Variants in CSMD1 observed in about 807,000 individuals in gnomAD.
CSMD1 encodes CUB and Sushi multiple domains 1.
Under a neutral mutation model 417.5 loss-of-function variants are expected in CSMD1, and 213 were observed. The ratio of observed to expected loss-of-function variants is 0.51; its 90% CI spans 0.46 to 0.57. The LOEUF is 0.57. Among genes scored for constraint, CSMD1 ranks in the 20% least tolerant of loss-of-function variants. CSMD1 has a pLI of 0.00. For synonymous variants in CSMD1, 2,862 were observed against 1,736.8 expected, an observed-to-expected ratio of 1.65 and a Z score of -16.11; for missense variants, 6,923 against 4,529.7, an observed-to-expected ratio of 1.53 and a Z score of -15.17.
At position 3,000,125 on chromosome 8, in the gene CSMD1, T is replaced by G. The variant is rs746681454; in HGVS notation, c.8036A>C (p.His2679Pro). Reference sequence around the variant, plus strand: ...CACAATCGGGTCTGGGGAACCGCAGTGGCCAGCTAAAAATGTTAAACCAAT... The same window carrying G: ...CACAATCGGGTCTGGGGAACCGCAGGGGCCAGCTAAAAATGTTAAACCAAT... ...SGSETRCLAG[H>P]CGSPDPIVNG... The change falls in exon 53 of 70, where the codon CAC becomes CCC. Residue 2679 changes from histidine (H) to proline (P), a missense_variant. Coordinates refer to ENST00000635120, the MANE Select transcript of CSMD1 (RefSeq NM_033225.6). 8 of 1,541,648 alleles carry G rather than the reference T, an allele frequency of 5.2e-6. No homozygotes were observed. Among genetic ancestry groups the G allele is most frequent in the Non-Finnish European group, 5.3e-6 (6 of 1,141,282 alleles).
intron 3 of CSMD1, among the ~76,000 whole-genome samples, chr8:4,068,988 G>A (rs534725181): frequency 1.3e-5 from 2 of 152,236 alleles, no homozygotes; most frequent in East Asian, 3.9e-4. Context: ...ACGTTGAATG[G>A]CTTGGAAAGA....
Position 3,151,444 on chromosome 8 carries a change from G to C in CSMD1, c.5984C>G (p.Pro1995Arg), listed in dbSNP as rs762941446. The C allele has an allele frequency of 5.6e-6, 9 of 1,613,660 alleles. No individual in the cohort carries two copies. The highest frequency in any genetic ancestry group is 7.6e-6 in the Non-Finnish European group (9 of 1,179,836). Residue 1995 changes from proline (P) to arginine (R), a missense_variant, in exon 40 of 70, where the codon CCC becomes CGC. Pro to Arg is a moderately radical substitution (Grantham distance 103). Transcript: ENST00000635120. ...ILSPGFPGSYPNNLDCTWRIS... is the reference protein window; with the variant it reads ...ILSPGFPGSYRNNLDCTWRIS... The stretch of plus-strand genomic sequence containing the variant: ...CCTCCAGGTGCAGTCTAAGTTGTTG[G>C]GGTAAGAACCTGGGAAGCCGGGGCT...
chr8:3,930,589 C>T (rs760784599), intron 5 of CSMD1, among the ~76,000 whole-genome samples: 7 of 150,330 alleles, frequency 4.7e-5, no homozygotes, highest in Non-Finnish European at 8.9e-5. Context: ...CCGTTCCAGC[C>T]AAAGGAAACG....
chr8:3,257,114 G>C (rs998271788), intron 26 of CSMD1, among the ~76,000 whole-genome samples: 2 of 152,154 alleles, frequency 1.3e-5, no homozygotes, highest in Non-Finnish European at 2.9e-5. Flanking sequence ...TTGAGGTCAG[G>C]AGTTTGAGAC....
At chr8:4,508,825 A>C (rs1053608857) in intron 2 of CSMD1, among the ~76,000 whole-genome samples, 61 of 152,116 alleles carry the variant, frequency 4.0e-4, no homozygotes, top group African/African-American at 1.5e-3. Flanking sequence ...AAAAATATTA[A>C]ATTTTAGTGG....
intron 2 of CSMD1, among the ~76,000 whole-genome samples, chr8:4,440,166 T>C (rs1798385488): frequency 6.6e-6 from 1 of 152,198 alleles, no homozygotes; most frequent in Non-Finnish European, 1.5e-5. Flanking sequence ...GGACGTTTCT[T>C]TCTAGATTAA....
intron 7 of CSMD1, among the ~76,000 whole-genome samples, chr8:3,699,633 C>G (rs777777058): frequency 1.3e-5 from 2 of 151,820 alleles, no homozygotes; most frequent in African/African-American, 2.4e-5. Context: ...AATGTTACTA[C>G]CGTTATGACA....
chr8:3,455,483 G>A (rs563751914), intron 12 of CSMD1, among the ~76,000 whole-genome samples: 197 of 152,262 alleles, frequency 1.3e-3, no homozygotes, highest in African/African-American at 4.6e-3. Context: ...TGTACAGATG[G>A]GGTTTTGGTG....
intron 10 of CSMD1, among the ~76,000 whole-genome samples, chr8:3,554,424 G>GAGCC (rs1423299793): frequency 1.3e-5 from 2 of 152,202 alleles, no homozygotes; most frequent in African/African-American, 4.8e-5. Context: ...GGTCTGGGGA[G>GAGCC]AGCCTGGAGC....
intron 3 of CSMD1, among the ~76,000 whole-genome samples, chr8:4,338,478 G>A (rs553800623): frequency 3.3e-5 from 5 of 152,206 alleles, no homozygotes; most frequent in Admixed American, 6.6e-5. Context: ...TAGGTTCATG[G>A]CAAATCTACC....
chr8:3,793,897 T>A (rs1216823277), intron 5 of CSMD1, among the ~76,000 whole-genome samples: 1 of 151,966 alleles, frequency 6.6e-6, no homozygotes, highest in African/African-American at 2.4e-5. Flanking sequence ...AATCGCAGAG[T>A]TCCCTTTGGA....
At chr8:4,157,491 G>C (rs747047883) in intron 3 of CSMD1, among the ~76,000 whole-genome samples, 3 of 151,670 alleles carry the variant, frequency 2.0e-5, no homozygotes, top group Non-Finnish European at 4.4e-5. Flanking sequence ...CTTCTGACTA[G>C]CGGAGAAAGA....
At chr8:3,825,618 G>T (rs1263849960) in intron 5 of CSMD1, among the ~76,000 whole-genome samples, 3 of 152,122 alleles carry the variant, frequency 2.0e-5, no homozygotes, top group Non-Finnish European at 2.9e-5. Context: ...AGTACAGTTG[G>T]TTCTTAGGAA....
At chr8:4,685,738 G>A (rs1237108270) in intron 1 of CSMD1, among the ~76,000 whole-genome samples, 1 of 152,140 alleles carries the variant, frequency 6.6e-6, no homozygotes, top group Non-Finnish European at 1.5e-5. Context: ...TTCTTTTTAA[G>A]AAATTACGTT....
At chr8:3,616,885 T>C in intron 7 of CSMD1, 88 bp from the exon 8 acceptor site, 2 of 843,838 alleles carry the variant, frequency 2.4e-6, no homozygotes, top group Non-Finnish European at 3.7e-6. Flanking sequence ...TTTTCAGTTC[T>C]TTAATGATAA....
chr8:4,520,486 G>A (rs1358778885), intron 2 of CSMD1, among the ~76,000 whole-genome samples: 2 of 152,094 alleles, frequency 1.3e-5, no homozygotes, highest in Non-Finnish European at 2.9e-5. Context: ...AAGATGAAAT[G>A]GGTCACACAG....
intron 27 of CSMD1, among the ~76,000 whole-genome samples, chr8:3,226,717 G>C (rs1223926407): frequency 6.6e-6 from 1 of 151,774 alleles, no homozygotes; most frequent in African/African-American, 2.4e-5. Context: ...CAACAAAAAA[G>C]TGAGGTATCC....
intron 26 of CSMD1, among the ~76,000 whole-genome samples, chr8:3,258,418 G>C (rs180789328): frequency 1.4e-4 from 21 of 152,236 alleles, no homozygotes; most frequent in Non-Finnish European, 2.5e-4. Flanking sequence ...AGTTACAATG[G>C]CTATTACTGA....
rs1816945645 is a variant in CSMD1 at position 3,469,166 on chromosome 8, T to C, written c.1449-342A>G. 5 of 196,278 alleles carry C rather than the reference T, an allele frequency of 2.5e-5. No individual in the cohort carries two copies. The South Asian group carries it at 4.2e-4, about 16-fold the overall frequency. The allele number at this position is 196,278 out of a possible 1,614,324, so 12.2% of individuals were successfully genotyped here. On this transcript the variant is annotated intron_variant, in intron 11 of 69. Transcript: ENST00000635120. ...AACTGGGACAGTCCTGGAAAAAATA[T>C]GGCACAGTTGTTCATGTGAGGTGAC...
Sources: allele counts gnomAD v4.1 joint callset (sites outside exome capture counted in the v4.1 genomes callset), GRCh38; gene constraint gnomAD v4.1.1; transcripts MANE v1.5; gene names NCBI Gene and HGNC (gene_info 2026-07-23, HGNC 2026-07-21).